The following ELP1 variants were observed in gnomAD, a reference collection of about 807,000 sequenced individuals.
ELP1 encodes elongator complex protein 1.
In ELP1, 131 loss-of-function variants were observed where a neutral mutation model predicts 183.2. The observed-to-expected ratio is 0.72, with a 90% CI of 0.62 to 0.83. The LOEUF is 0.83. Ranked by LOEUF, ELP1 falls within the 40% of genes least tolerant of loss-of-function variation. The pLI is 0.00. For synonymous variants in ELP1, 555 were observed against 569.0 expected (o/e 0.98, Z 0.35); for missense variants, 1,550 against 1,594.9 (o/e 0.97, Z 0.48).
chr9:108,882,357 C>T (rs1156499987), intron 29 of ELP1, among the ~76,000 whole-genome samples, 170 bp from the exon 30 acceptor site: 1 of 152,082 alleles, frequency 6.6e-6, no homozygotes. Flanking sequence ...AATATTGATA[C>T]AAAAGACAAG....
intron 28 of ELP1, chr9:108,889,658 C>T: frequency 1.9e-6 from 1 of 525,378 alleles, no homozygotes; most frequent in Non-Finnish European, 3.4e-6. Flanking sequence ...GTATCTCTCA[C>T]TAAACCACTT....
At chr9:108,891,721 T>C (rs962399392) in intron 27 of ELP1, among the ~76,000 whole-genome samples, 1 of 152,174 alleles carries the variant, frequency 6.6e-6, no homozygotes, top group Admixed American at 6.5e-5. Flanking sequence ...GCTGCTCTTA[T>C]AGTAACAGAG....
At chr9:108,933,590 G>C (rs1267193029) in intron 1 of ELP1, among the ~76,000 whole-genome samples, 2 of 152,256 alleles carry the variant, frequency 1.3e-5, no homozygotes, top group East Asian at 3.8e-4. Context: ...CTCGCTTTCA[G>C]CGTTATTATC....
intron 1 of ELP1, among the ~76,000 whole-genome samples, chr9:108,932,418 C>T (rs577250253): frequency 1.3e-5 from 2 of 152,076 alleles, no homozygotes; most frequent in Admixed American, 6.6e-5. Context: ...CTCGGCTCAC[C>T]GCAACATCTG....
chr9:108,925,404 C>CCTTGAAATGGACA (rs1265649005), intron 5 of ELP1, among the ~76,000 whole-genome samples: 1 of 152,168 alleles, frequency 6.6e-6, no homozygotes, highest in African/African-American at 2.4e-5. Flanking sequence ...AATAACCCTC[C>CCTTGAAATGGACA]CTTGAAATGG....
intron 29 of ELP1, among the ~76,000 whole-genome samples, chr9:108,886,448 C>T (rs1294406023): frequency 6.6e-6 from 1 of 152,108 alleles, no homozygotes; most frequent in Non-Finnish European, 1.5e-5. Context: ...ATCTAATCTG[C>T]CACAAGAGAA....
At chr9:108,908,224 GA>G in intron 13 of ELP1, 80 bp downstream of exon 13, 1 of 1,013,442 alleles carries the variant, frequency 9.9e-7, no homozygotes, top group Non-Finnish European at 1.6e-6. Flanking sequence ...AACAGGCATA[GA>G]ACTGTTATCA....
At chr9:108,920,637 C>T (rs1200502369) in intron 6 of ELP1, among the ~76,000 whole-genome samples, 2 of 151,368 alleles carry the variant, frequency 1.3e-5, no homozygotes, top group Non-Finnish European at 3.0e-5. Context: ...AGGCAGGGAA[C>T]AGGCTGAGGG....
chr9:108,874,838 A>C (rs1278605879), intron 36 of ELP1, 57 bp downstream of exon 36: 9 of 1,161,966 alleles, frequency 7.7e-6, no homozygotes, highest in Non-Finnish European at 1.0e-5. Flanking sequence ...CTCAATACTT[A>C]CAGAAAGATA....
intron 14 of ELP1, among the ~76,000 whole-genome samples, chr9:108,904,268 G>A (rs1054749586): frequency 3.2e-5 from 4 of 125,592 alleles, no homozygotes; most frequent in African/African-American, 8.6e-5. Context: ...TTTTTGGACA[G>A]TGTCTTGCTC....
intron 16 of ELP1, among the ~76,000 whole-genome samples, chr9:108,902,229 C>T (rs1828833403): frequency 6.6e-6 from 1 of 152,148 alleles, no homozygotes; most frequent in African/African-American, 2.4e-5. Context: ...TTCTTCACAT[C>T]TCAGCACACA....
intron 28 of ELP1, chr9:108,889,715 A>G (rs1182763597): frequency 1.3e-5 from 5 of 389,508 alleles, no homozygotes; most frequent in Non-Finnish European, 2.4e-5. Flanking sequence ...TGAGCACTAG[A>G]TGGAGGTAGC....
In ELP1 at chr9:108,919,360, G is replaced by C. The variant is rs757400056; in HGVS notation, c.553-11C>G. 6.3e-7 allele frequency: 1 copy of C among 1,574,832 alleles called. No homozygotes were observed. Among genetic ancestry groups the C allele is most frequent in the East Asian group, 2.2e-5 (1 of 44,692 alleles). Reference sequence around the variant, plus strand: ...CAAAGCAGACTCATGCTAAAAAGGGGAACAAACACCAATATTACTGGGGGA... The same window carrying C: ...CAAAGCAGACTCATGCTAAAAAGGGCAACAAACACCAATATTACTGGGGGA... On this transcript the variant is annotated splice_polypyrimidine_tract_variant and intron_variant, in intron 6 of 36. Transcript: ENST00000374647.
intron 14 of ELP1, 82 bp from the exon 15 acceptor site, chr9:108,903,751 A>T (rs2131997208): frequency 9.8e-7 from 1 of 1,023,940 alleles, no homozygotes; most frequent in Non-Finnish European, 1.5e-6. Context: ...GAAAATCAAC[A>T]ATTTCCTTTT....
intron 3 of ELP1, among the ~76,000 whole-genome samples, chr9:108,928,296 T>C (rs1231445154): frequency 6.6e-6 from 1 of 152,234 alleles, no homozygotes; most frequent in Non-Finnish European, 1.5e-5. Context: ...AATATCTTTT[T>C]CTTCCCAGAG....
At chr9:108,920,333 G>A (rs1829599282) in intron 6 of ELP1, among the ~76,000 whole-genome samples, 2 of 148,766 alleles carry the variant, frequency 1.3e-5, no homozygotes, top group African/African-American at 2.5e-5. Flanking sequence ...CCAGGCTGGA[G>A]TGCAGTGGCA....
At chr9:108,893,806 G>C (rs1828433321) in intron 26 of ELP1, 137 bp downstream of exon 26, 2 of 918,924 alleles carry the variant, frequency 2.2e-6, no homozygotes, top group Non-Finnish European at 1.7e-6. Context: ...AAAATAACGT[G>C]AGCATACATA....
At chr9:108,928,303 A>C (rs1829883774) in intron 3 of ELP1, among the ~76,000 whole-genome samples, 1 of 152,242 alleles carries the variant, frequency 6.6e-6, no homozygotes, top group African/African-American at 2.4e-5. Context: ...TTTTCTTCCC[A>C]GAGCTGTCTC....
At chr9:108,884,841 G>A (rs1415912848) in intron 29 of ELP1, among the ~76,000 whole-genome samples, 4 of 152,124 alleles carry the variant, frequency 2.6e-5, no homozygotes, top group Non-Finnish European at 4.4e-5. Flanking sequence ...AGCACTTTGG[G>A]AGGCAGAGGT....
Sources: gnomAD v4.1 joint callset for allele counts (sites outside exome capture counted in the v4.1 genomes callset) on GRCh38, gnomAD v4.1.1 for gene constraint, MANE v1.5 for transcripts, NCBI Gene and HGNC (gene_info 2026-07-23, HGNC 2026-07-21) for gene names.